Variants in UGT1A8 observed in about 807,000 individuals in gnomAD.
UGT1A8 encodes the protein UDP glucuronosyltransferase family 1 member A8.
UGT1A8 carries 39 observed loss-of-function variants against 45.3 expected under a neutral mutation model. The observed-to-expected ratio is 0.86, with a 90% CI of 0.67 to 1.12. The LOEUF is 1.12. Ranked by LOEUF, UGT1A8 falls within the 50% of genes most tolerant of loss-of-function variation. UGT1A8 has a pLI of 0.00. For synonymous variants in UGT1A8, 275 were observed against 249.2 expected (o/e 1.10, Z -0.97); for missense variants, 719 against 664.9 (o/e 1.08, Z -0.90).
Position 233,767,867 on chromosome 2 carries a change from G to A in UGT1A8, c.1006G>A (p.Gly336Arg). ...CTCCCAGGTCCTGTGGCGGTACACTGGAACCCGACCATCGAATCTTGCGAA... is the reference window on the plus strand; with the variant it reads ...CTCCCAGGTCCTGTGGCGGTACACTAGAACCCGACCATCGAATCTTGCGAA... ...IPQTVLWRYT[G>R]TRPSNLANNT... Residue 336 changes from glycine to arginine, a missense_variant, in exon 3 of 5, where the codon GGA (glycine) becomes AGA (arginine). Coordinates refer to ENST00000373450, the MANE Select transcript of UGT1A8 (RefSeq NM_019076.5). The A allele has an allele frequency of 1.2e-6, 2 of 1,614,118 alleles. No individual in the cohort carries two copies. Among genetic ancestry groups the A allele is most frequent in the Non-Finnish European group, 1.7e-6 (2 of 1,180,024 alleles).
intron 1 of UGT1A8, among the ~76,000 whole-genome samples, chr2:233,621,741 T>A (rs1009045056): frequency 3.3e-5 from 5 of 152,178 alleles, no homozygotes; most frequent in Admixed American, 1.3e-4. Flanking sequence ...AATCTTTTTT[T>A]AAATTATACT....
At chr2:233,648,797 A>G (rs2073668416) in intron 1 of UGT1A8, 4 of 920,440 alleles carry the variant, frequency 4.3e-6, no homozygotes, top group South Asian at 1.3e-5. Flanking sequence ...AGAGTAAGGA[A>G]CCACATCTTC....
At chr2:233,738,799 A>T (rs560020824) in intron 1 of UGT1A8, among the ~76,000 whole-genome samples, 1 of 152,338 alleles carries the variant, frequency 6.6e-6, no homozygotes, top group African/African-American at 2.4e-5. Flanking sequence ...ATGCAGAAAT[A>T]CTAGCTAAAG....
chr2:233,766,270 C>T (rs1699087800), intron 1 of UGT1A8, among the ~76,000 whole-genome samples: 1 of 67,854 alleles, frequency 1.5e-5, no homozygotes. Flanking sequence ...GGCCCGGGCT[C>T]GGTGGCCCGG....
intron 1 of UGT1A8, chr2:233,637,437 T>C (rs1200403958): frequency 6.5e-7 from 1 of 1,542,836 alleles, no homozygotes; most frequent in Admixed American, 2.0e-5. Context: ...TAAAAAAGGA[T>C]TCCTTACTGA....
chr2:233,748,539 G>A (rs1278710171), intron 1 of UGT1A8, among the ~76,000 whole-genome samples: 3 of 151,838 alleles, frequency 2.0e-5, no homozygotes, highest in Non-Finnish European at 2.9e-5. Context: ...GGTGACCACA[G>A]GAGACCTAAG....
chr2:233,637,579 A>C (rs536864837), intron 1 of UGT1A8, among the ~76,000 whole-genome samples: 1 of 152,222 alleles, frequency 6.6e-6, no homozygotes, highest in Non-Finnish European at 1.5e-5. Flanking sequence ...ATATGTAATA[A>C]TTTAAAAATT....
intron 1 of UGT1A8, among the ~76,000 whole-genome samples, chr2:233,709,947 T>G (rs2076099525): frequency 6.6e-6 from 1 of 152,226 alleles, no homozygotes; most frequent in Admixed American, 6.5e-5. Flanking sequence ...TGGTTTCTGT[T>G]GCTGGATAAC....
chr2:233,659,788 G>C (rs1024045219), intron 1 of UGT1A8, among the ~76,000 whole-genome samples: 1 of 152,188 alleles, frequency 6.6e-6, no homozygotes, highest in African/African-American at 2.4e-5. Flanking sequence ...CCATATCATA[G>C]AAGGGTACAA....
At chr2:233,764,036 G>T (rs905956037) in intron 1 of UGT1A8, among the ~76,000 whole-genome samples, 5 of 152,136 alleles carry the variant, frequency 3.3e-5, no homozygotes, top group Non-Finnish European at 7.4e-5. Flanking sequence ...TGCTAAAGAA[G>T]AATTCTGGGA....
Position 233,772,346 on chromosome 2 carries a change from G to C in UGT1A8, c.1380G>C (p.Glu460Asp), listed in dbSNP as rs115944950. ...TGGACCTGGCCGTGTTCTGGGTGGA[G>C]TTTGTGATGAGGCACAAGGGCGCGC... ...EPLDLAVFWVEFVMRHKGAPH... is the reference protein window; with the variant it reads ...EPLDLAVFWVDFVMRHKGAPH... Residue 460 changes from glutamate (E) to aspartate (D), a missense_variant, in exon 5 of 5, where the codon GAG (glutamate) becomes GAC (aspartate). Coordinates refer to ENST00000373450, the MANE Select transcript of UGT1A8 (RefSeq NM_019076.5). 30 of 1,614,132 alleles carry C rather than the reference G, an allele frequency of 1.9e-5. No individual in the cohort carries two copies. In the East Asian group the frequency reaches 6.5e-4, roughly 35 times the overall value.
At chr2:233,672,134 G>A in intron 1 of UGT1A8, 6 of 1,614,198 alleles carry the variant, frequency 3.7e-6, no homozygotes, top group Non-Finnish European at 5.1e-6. Context: ...TGGCAACTGG[G>A]AAGATCACTG....
intron 1 of UGT1A8, chr2:233,636,939 G>C (rs769021073): frequency 1.2e-6 from 2 of 1,614,124 alleles, no homozygotes; most frequent in Non-Finnish European, 1.7e-6. Flanking sequence ...ACTTAAAGGA[G>C]AGTTCTTTTG....
chr2:233,640,519 A>C (rs537589093), intron 1 of UGT1A8, among the ~76,000 whole-genome samples: 1 of 152,298 alleles, frequency 6.6e-6, no homozygotes, highest in East Asian at 1.9e-4. Context: ...TGCCTCATAC[A>C]ACATCTTTTT....
At position 233,713,085 on chromosome 2, in the gene UGT1A8, C is replaced by T. The variant is rs148617766; in HGVS notation, c.856-53949C>T. On this transcript the variant is annotated intron_variant, in intron 1 of 4. Transcript: ENST00000373450. ...GCCCTGGGCTGAGAGTGGGAAGGTGCTGGTGGTGCCCACTGATGGCAGCCA... is the reference window on the plus strand; with the variant it reads ...GCCCTGGGCTGAGAGTGGGAAGGTGTTGGTGGTGCCCACTGATGGCAGCCA... 296 of 1,614,186 alleles carry T rather than the reference C, an allele frequency of 1.8e-4. No homozygotes were observed. In the African/African-American group the frequency reaches 3.6e-3, roughly 19 times the overall value.
intron 1 of UGT1A8, among the ~76,000 whole-genome samples, chr2:233,623,759 G>A (rs551779341): frequency 3.9e-5 from 6 of 152,210 alleles, no homozygotes; most frequent in South Asian, 2.1e-4. Flanking sequence ...CAATTGACAA[G>A]ATGTCAAATT....
chr2:233,747,877 A>G, intron 1 of UGT1A8: 2 of 1,613,450 alleles, frequency 1.2e-6, no homozygotes, highest in Non-Finnish European at 1.7e-6. Context: ...GCCCTGTCCT[A>G]CCTTTGCCAT....
At chr2:233,647,816 T>G (rs2073641428) in intron 1 of UGT1A8, 10 of 859,018 alleles carry the variant, frequency 1.2e-5, no homozygotes, top group African/African-American at 3.4e-5. Context: ...AGTTAATTGA[T>G]TTGCCCCAAA....
intron 1 of UGT1A8, among the ~76,000 whole-genome samples, chr2:233,721,082 T>C (rs2125680652): frequency 6.6e-6 from 1 of 152,322 alleles, no homozygotes; most frequent in South Asian, 2.1e-4. Flanking sequence ...TGAACTTCCA[T>C]GAGTTTAGGT....
Sources: gnomAD v4.1 joint callset for allele counts (sites outside exome capture counted in the v4.1 genomes callset) on GRCh38, gnomAD v4.1.1 for gene constraint, MANE v1.5 for transcripts, NCBI Gene and HGNC (gene_info 2026-07-23, HGNC 2026-07-21) for gene names.